Variants in EXT1 observed in about 807,000 individuals in gnomAD.
EXT1 encodes the protein exostosin glycosyltransferase 1.
EXT1 carries 20 observed loss-of-function variants against 82.5 expected under a neutral mutation model. The ratio of observed to expected loss-of-function variants is 0.24; its 90% CI spans 0.17 to 0.35. EXT1 has a LOEUF of 0.35. Ranked by LOEUF, EXT1 falls within the 10% of genes least tolerant of loss-of-function variation. The probability of loss-of-function intolerance (pLI) is 1.00; values close to 1 mark genes in which losing one functional copy is unlikely to be tolerated. For missense variants in EXT1, 757 were observed against 936.5 expected (o/e 0.81, Z 2.50); for synonymous variants, 348 against 350.8 (o/e 0.99, Z 0.09).
At chr8:117,857,109 G>C (rs1027330813) in intron 1 of EXT1, among the ~76,000 whole-genome samples, 1 of 152,218 alleles carries the variant, frequency 6.6e-6, no homozygotes, top group Admixed American at 6.5e-5. Context: ...GCCTACCGTT[G>C]AGACCTACGG....
intron 1 of EXT1, among the ~76,000 whole-genome samples, chr8:117,993,978 A>G (rs1414617096): frequency 6.6e-6 from 1 of 152,222 alleles, no homozygotes; most frequent in African/African-American, 2.4e-5. Context: ...GAGATGACTC[A>G]AATTAAGATA....
chr8:118,083,592 T>G (rs1339642076), intron 1 of EXT1, among the ~76,000 whole-genome samples: 1 of 152,164 alleles, frequency 6.6e-6, no homozygotes, highest in African/African-American at 2.4e-5. Flanking sequence ...TCTAGTTTAA[T>G]AGGCTCCTAA....
intron 1 of EXT1, among the ~76,000 whole-genome samples, chr8:117,884,673 T>G (rs1813117367): frequency 6.6e-6 from 1 of 152,176 alleles, no homozygotes; most frequent in Admixed American, 6.5e-5. Context: ...TTCTGTTCAT[T>G]GCACTGAAAT....
rs190043312 is a variant in EXT1 at position 118,039,350 on chromosome 8, G to A, written c.962+70735C>T. On this transcript the variant is annotated intron_variant, in intron 1 of 10. Coordinates refer to ENST00000378204, the MANE Select transcript of EXT1 (RefSeq NM_000127.3). ...CAAGGCGGGCAGATCACCTGAGGTT[G>A]GGAGTTCAAGACCAGCCTGGCCAAC... Among the ~76,000 whole-genome samples the A allele has an allele frequency of 3.7e-4, 56 of 152,112 alleles. No individual in the cohort carries two copies. The East Asian group carries it at 9.3e-3, about 25-fold the overall frequency.
At chr8:117,894,527 G>T (rs1422638256) in intron 1 of EXT1, among the ~76,000 whole-genome samples, 1 of 152,166 alleles carries the variant, frequency 6.6e-6, no homozygotes, top group Non-Finnish European at 1.5e-5. Context: ...AGTCTTACTT[G>T]TACCTATATT....
At chr8:117,959,619 A>C (rs1452094124) in intron 1 of EXT1, among the ~76,000 whole-genome samples, 3 of 152,206 alleles carry the variant, frequency 2.0e-5, no homozygotes, top group African/African-American at 7.2e-5. Flanking sequence ...ACTGGAGATC[A>C]CAGACAGTAA....
At chr8:117,900,734 C>T (rs1422409560) in intron 1 of EXT1, among the ~76,000 whole-genome samples, 7 of 152,226 alleles carry the variant, frequency 4.6e-5, no homozygotes, top group African/African-American at 1.7e-4. Flanking sequence ...AAGCCCTCTG[C>T]TCTCACAAGC....
At chr8:117,944,979 G>A (rs1485702715) in intron 1 of EXT1, among the ~76,000 whole-genome samples, 2 of 152,056 alleles carry the variant, frequency 1.3e-5, no homozygotes, top group African/African-American at 4.8e-5. Context: ...TGGCTAACAC[G>A]GTGAAACCCC....
intron 1 of EXT1, among the ~76,000 whole-genome samples, chr8:117,951,894 G>A (rs1412698291): frequency 6.6e-6 from 1 of 152,166 alleles, no homozygotes; most frequent in African/African-American, 2.4e-5. Context: ...AGTTGTATTG[G>A]AACACAGCCA....
In EXT1 at chr8:117,799,081, C is replaced by T. The variant is rs1823125896; in HGVS notation, c.*631G>A. 1 of 145,436 alleles carries T rather than the reference C, an allele frequency of 6.9e-6. No individual in the cohort carries two copies. Among genetic ancestry groups the T allele is most frequent in the Non-Finnish European group, 1.5e-5 (1 of 67,214 alleles). The allele number at this position is 145,436 out of a possible 1,614,324, so 9.0% of individuals were successfully genotyped here. A position where few individuals can be genotyped will look rare whatever the true frequency, so the allele number is the denominator to read the frequency against. ...TCAAACATAGAGATTTCAGTTAGAA[C>T]TGCCTACCTGGAAGTCGTAATACTT... On this transcript the variant is annotated 3_prime_UTR_variant, in exon 11 of 11. Coordinates refer to ENST00000378204, the MANE Select transcript of EXT1 (RefSeq NM_000127.3).
intron 2 of EXT1, among the ~76,000 whole-genome samples, chr8:117,835,893 A>G (rs1812181515): frequency 6.6e-6 from 1 of 152,214 alleles, no homozygotes; most frequent in African/African-American, 2.4e-5. Context: ...ACAAAATCTG[A>G]GTATAGAACC....
chr8:117,873,447 C>CTG lies in EXT1; in HGVS notation c.963-36247_963-36246insCA, dbSNP rs1470618787. ...GGTTAAGACCAATGTTGTCCTGTGA[C>CTG]TTTTTTTTTTTTTTTTTTTTTTTTT... On this transcript the variant is annotated intron_variant, in intron 1 of 10. Coordinates refer to ENST00000378204, the MANE Select transcript of EXT1 (RefSeq NM_000127.3). Among the ~76,000 whole-genome samples the CTG allele has an allele frequency of 6.1e-4, 61 of 99,674 alleles. 7 individuals are homozygous for CTG. Among genetic ancestry groups the CTG allele is most frequent in the African/African-American group, 1.9e-3 (47 of 24,314 alleles). 65.4% of individuals were successfully genotyped at this position (99,674 alleles called of 152,430 possible).
chr8:118,033,252 T>C (rs929626244), intron 1 of EXT1, among the ~76,000 whole-genome samples: 1 of 152,184 alleles, frequency 6.6e-6, no homozygotes, highest in Admixed American at 6.5e-5. Context: ...TTTCCTGTTG[T>C]CCAACATGCA....
chr8:117,871,452 C>A (rs1308459312), intron 1 of EXT1, among the ~76,000 whole-genome samples: 1 of 152,200 alleles, frequency 6.6e-6, no homozygotes, highest in Admixed American at 6.5e-5. Context: ...GCTCAGTCCC[C>A]TAGAGATATC....
chr8:117,800,666 A>G (rs1823153114), intron 10 of EXT1, among the ~76,000 whole-genome samples: 1 of 152,204 alleles, frequency 6.6e-6, no homozygotes, highest in African/African-American at 2.4e-5. Flanking sequence ...CTGCTTGACT[A>G]AAACCCCCAA....
At position 117,961,312 on chromosome 8, in the gene EXT1, C is replaced by T. The variant is rs577482453; in HGVS notation, c.963-124111G>A. On this transcript the variant is annotated intron_variant, in intron 1 of 10. Transcript: ENST00000378204. Reference sequence around the variant, plus strand: ...GGGTGCAGGTGACTGCACCCAGATTCCAATCATTTCTTGATTTGGAAGCAG... The same window carrying T: ...GGGTGCAGGTGACTGCACCCAGATTTCAATCATTTCTTGATTTGGAAGCAG... Among the ~76,000 whole-genome samples the T allele has an allele frequency of 2.3e-3, 349 of 152,252 alleles. 1 individual carries two copies. Among genetic ancestry groups the T allele is most frequent in the Middle Eastern group, 6.8e-3 (2 of 294 alleles).
At chr8:118,045,509 C>T (rs1816608890) in intron 1 of EXT1, among the ~76,000 whole-genome samples, 1 of 152,150 alleles carries the variant, frequency 6.6e-6, no homozygotes, top group Non-Finnish European at 1.5e-5. Flanking sequence ...TGCGTATTAA[C>T]AACATAGAAT....
chr8:117,917,950 T>A (rs1182512475), intron 1 of EXT1, among the ~76,000 whole-genome samples: 1 of 152,144 alleles, frequency 6.6e-6, no homozygotes, highest in African/African-American at 2.4e-5. Context: ...CAACCAAAAC[T>A]TGGTCAGCAC....
chr8:118,086,020 C>A (rs1285491932), intron 1 of EXT1, among the ~76,000 whole-genome samples: 2 of 152,216 alleles, frequency 1.3e-5, no homozygotes, highest in East Asian at 3.8e-4. Flanking sequence ...TCTGGCCCTA[C>A]TCAGCGAGGC....
Sources: allele counts gnomAD v4.1 joint callset (sites outside exome capture counted in the v4.1 genomes callset), GRCh38; gene constraint gnomAD v4.1.1; transcripts MANE v1.5; gene names NCBI Gene and HGNC (gene_info 2026-07-23, HGNC 2026-07-21).